Variants in ACACA observed in about 807,000 individuals in gnomAD.
ACACA encodes acetyl-CoA carboxylase 1.
In ACACA, 103 loss-of-function variants were observed where a neutral mutation model predicts 296.1. The observed-to-expected ratio is 0.35, with a 90% CI of 0.30 to 0.41. The LOEUF is 0.41. Among genes scored for constraint, ACACA ranks in the 10% least tolerant of loss-of-function variants. The pLI is 1.00. For synonymous variants in ACACA, 953 were observed against 1,038.6 expected, an observed-to-expected ratio of 0.92 and a Z score of 1.58; for missense variants, 1,554 against 2,989.7, an observed-to-expected ratio of 0.52 and a Z score of 11.20.
intron 52 of ACACA, among the ~76,000 whole-genome samples, chr17:37,105,236 T>C (rs1026190007): frequency 6.6e-6 from 1 of 152,234 alleles, no homozygotes; most frequent in Non-Finnish European, 1.5e-5. Context: ...TCCTCATTTA[T>C]GTAACAACAA....
At chr17:37,131,383 C>T (rs2075088628) in intron 45 of ACACA, among the ~76,000 whole-genome samples, 1 of 152,218 alleles carries the variant, frequency 6.6e-6, no homozygotes, top group African/African-American at 2.4e-5. Context: ...AGCCTGATCA[C>T]TGACTATTGC....
At chr17:37,328,238 T>G (rs1038616722) in intron 3 of ACACA, among the ~76,000 whole-genome samples, 3 of 152,178 alleles carry the variant, frequency 2.0e-5, no homozygotes, top group Admixed American at 6.5e-5. Flanking sequence ...GCAAGTTATT[T>G]CTCCTCATTG....
intron 18 of ACACA, 24 bp downstream of exon 18, chr17:37,247,987 A>C (rs1380463659): frequency 6.2e-7 from 1 of 1,613,928 alleles, no homozygotes; most frequent in Non-Finnish European, 8.5e-7. Context: ...ATGACCAGCA[A>C]ATGGACCTCA....
At chr17:37,192,373 A>C in intron 36 of ACACA, 68 bp from the exon 37 acceptor site, 1 of 1,402,524 alleles carries the variant, frequency 7.1e-7, no homozygotes, top group Non-Finnish European at 9.9e-7. Flanking sequence ...ATGAATGTGA[A>C]TGTAAAAGAG....
chr17:37,187,798 A>G (rs1159807246), intron 39 of ACACA, among the ~76,000 whole-genome samples: 2 of 152,264 alleles, frequency 1.3e-5, no homozygotes, highest in Non-Finnish European at 2.9e-5. Context: ...ATAGACACTG[A>G]TGATGGTAGT....
chr17:37,334,748 C>T (rs1454194427), intron 2 of ACACA, among the ~76,000 whole-genome samples: 1 of 151,208 alleles, frequency 6.6e-6, no homozygotes, highest in African/African-American at 2.4e-5. Context: ...TGCCACTGCA[C>T]CCCGTCCATG....
chr17:37,104,264 A>G (rs1026571909), intron 52 of ACACA, among the ~76,000 whole-genome samples: 5 of 152,232 alleles, frequency 3.3e-5, no homozygotes, highest in Non-Finnish European at 5.9e-5. Flanking sequence ...ATAAGTCCCC[A>G]TGAAATCCTA....
intron 25 of ACACA, among the ~76,000 whole-genome samples, chr17:37,230,781 A>C (rs946321425): frequency 1.3e-5 from 2 of 152,220 alleles, no homozygotes; most frequent in African/African-American, 4.8e-5. Context: ...ACATTTTGTA[A>C]GGATACCTTT....
chr17:37,222,476 A>G (rs1254948417), intron 28 of ACACA, among the ~76,000 whole-genome samples: 1 of 152,166 alleles, frequency 6.6e-6, no homozygotes, highest in Non-Finnish European at 1.5e-5. Flanking sequence ...ATAAAAATAA[A>G]TATAAATTAA....
intron 10 of ACACA, among the ~76,000 whole-genome samples, chr17:37,268,214 G>A (rs533090884): frequency 1.3e-5 from 2 of 152,126 alleles, no homozygotes; most frequent in Non-Finnish European, 2.9e-5. Context: ...ATCTAATTTT[G>A]TATGCCTATT....
intron 33 of ACACA, among the ~76,000 whole-genome samples, chr17:37,204,489 T>C (rs1441866978): frequency 6.6e-6 from 1 of 152,174 alleles, no homozygotes; most frequent in Non-Finnish European, 1.5e-5. Flanking sequence ...TCTAACCCCA[T>C]GGAATCGTGG....
intron 43 of ACACA, among the ~76,000 whole-genome samples, chr17:37,154,600 G>A (rs910955906): frequency 3.9e-5 from 6 of 151,972 alleles, no homozygotes; most frequent in East Asian, 1.9e-4. Flanking sequence ...GGGTTCAAGC[G>A]ATTGTCCTGC....
chr17:37,122,424 C>T, intron 49 of ACACA, 107 bp downstream of exon 49: 1 of 914,534 alleles, frequency 1.1e-6, no homozygotes, highest in Non-Finnish European at 1.8e-6. Flanking sequence ...GCTGCTGATG[C>T]CCTTCCCTCT....
intron 5 of ACACA, among the ~76,000 whole-genome samples, chr17:37,278,626 C>T (rs2082372422): frequency 2.0e-5 from 3 of 152,148 alleles, no homozygotes. Context: ...TCTCTATTTT[C>T]CTATTCTGGC....
intron 55 of ACACA, 66 bp downstream of exon 55, chr17:37,088,872 T>G: frequency 6.3e-7 from 1 of 1,583,928 alleles, no homozygotes; most frequent in South Asian, 1.1e-5. Flanking sequence ...ATGATTTGTT[T>G]GGAAACTTTT....
At chr17:37,143,217 T>C (rs891644466) in intron 45 of ACACA, among the ~76,000 whole-genome samples, 27 of 152,012 alleles carry the variant, frequency 1.8e-4, no homozygotes, top group African/African-American at 6.5e-4. Context: ...CTTTTTTTTT[T>C]TTTTAACTAA....
intron 7 of ACACA, 137 bp from the exon 8 acceptor site, chr17:37,276,186 A>G: frequency 1.4e-6 from 1 of 706,134 alleles, no homozygotes; most frequent in Non-Finnish European, 2.6e-6. Flanking sequence ...GGAGATCATA[A>G]ATTATGGGGA....
At position 37,277,889 on chromosome 17, in the gene ACACA, C is replaced by T. The variant is rs368710428; in HGVS notation, c.720+7G>A. 1.2e-6 allele frequency: 2 copies of T among 1,603,410 alleles called. No individual in the cohort carries two copies. The highest frequency in any genetic ancestry group is 2.7e-5 in the African/African-American group (2 of 74,732). ...TTGGTTTTAAAGGACACATTGGCAT[C>T]TCTTACTTGTACTGGGATCCTTTTA... On this transcript the variant is annotated splice_region_variant and intron_variant, in intron 6 of 55. Coordinates refer to ENST00000616317, the MANE Select transcript of ACACA (RefSeq NM_198834.3).
chr17:37,202,698 TATATATATATATATACACAC>T (rs1187137849), intron 33 of ACACA, among the ~76,000 whole-genome samples: 7 of 17,868 alleles, frequency 3.9e-4, no homozygotes, highest in African/African-American at 2.0e-3. Flanking sequence ...TATATATATA[TATATATATATATATACACAC>T]ACACATATAT....
Sources: gnomAD v4.1 joint callset for allele counts (sites outside exome capture counted in the v4.1 genomes callset) on GRCh38, gnomAD v4.1.1 for gene constraint, MANE v1.5 for transcripts, NCBI Gene and HGNC (gene_info 2026-07-23, HGNC 2026-07-21) for gene names.